The following FSTL4 variants were observed in gnomAD, a reference collection of about 807,000 sequenced individuals.
FSTL4 encodes follistatin like 4, also known as follistatin-related protein 4.
In FSTL4, 28 loss-of-function variants were observed where a neutral mutation model predicts 78.2. That is an observed-to-expected ratio of 0.36 (90% CI 0.27 to 0.49). FSTL4 has a LOEUF of 0.49. FSTL4 is among the 20% of genes least tolerant of loss of function. The pLI is 0.98. For missense variants in FSTL4, 922 were observed against 1,084.9 expected, an observed-to-expected ratio of 0.85 and a Z score of 2.11; for synonymous variants, 422 against 440.5, an observed-to-expected ratio of 0.96 and a Z score of 0.53.
At chr5:133,765,810 C>A in the FSTL4 span, among the ~76,000 whole-genome samples, 4 of 152,120 alleles carry the variant, frequency 2.6e-5, no homozygotes, top group Non-Finnish European at 5.9e-5. Flanking sequence ...TAAGATTATG[C>A]CATTACCCTG....
At chr5:133,399,535 C>G (rs546590228) in intron 4 of FSTL4, among the ~76,000 whole-genome samples, 1 of 152,312 alleles carries the variant, frequency 6.6e-6, no homozygotes, top group Non-Finnish European at 1.5e-5. Flanking sequence ...GTAACAGAGG[C>G]CAACACACCT....
chr5:133,498,475 T>C (rs1485967361), intron 3 of FSTL4, among the ~76,000 whole-genome samples: 2 of 152,152 alleles, frequency 1.3e-5, no homozygotes, highest in Admixed American at 1.3e-4. Flanking sequence ...TCCCAGCACT[T>C]TGGGAGGCTG....
chr5:133,599,140 A>G (rs1188092532), intron 2 of FSTL4, among the ~76,000 whole-genome samples: 1 of 152,154 alleles, frequency 6.6e-6, no homozygotes, highest in East Asian at 1.9e-4. Flanking sequence ...AAGACAATGA[A>G]TACATAAGAA....
chr5:133,822,863 T>C, the FSTL4 span, among the ~76,000 whole-genome samples: 1 of 152,004 alleles, frequency 6.6e-6, no homozygotes, highest in Non-Finnish European at 1.5e-5. Context: ...TCTGAAGATA[T>C]GTGGGAAGGA....
chr5:133,483,214 G>A (rs1758065244), intron 3 of FSTL4, among the ~76,000 whole-genome samples: 1 of 152,160 alleles, frequency 6.6e-6, no homozygotes, highest in African/African-American at 2.4e-5. Flanking sequence ...CCATGACTGT[G>A]AGCCCTCCCC....
intron 3 of FSTL4, among the ~76,000 whole-genome samples, chr5:133,410,712 A>T (rs1433544371): frequency 6.6e-6 from 1 of 152,124 alleles, no homozygotes; most frequent in African/African-American, 2.4e-5. Flanking sequence ...TTTCTCCTTC[A>T]TTCTACTTTT....
intron 5 of FSTL4, among the ~76,000 whole-genome samples, chr5:133,313,303 C>G (rs1393680552): frequency 1.3e-5 from 2 of 152,212 alleles, no homozygotes; most frequent in Non-Finnish European, 2.9e-5. Context: ...TCCCAGACCC[C>G]TCCGTTCTAT....
intron 3 of FSTL4, among the ~76,000 whole-genome samples, chr5:133,403,909 T>C (rs1756295774): frequency 1.3e-5 from 2 of 152,160 alleles, no homozygotes; most frequent in South Asian, 4.1e-4. Context: ...AGGCCCAGCG[T>C]CACACAGGGC....
At chr5:133,699,880 CA>C in the FSTL4 span, among the ~76,000 whole-genome samples, 984 of 62,436 alleles carry the variant, frequency 0.016, 2 homozygotes, top group Middle Eastern at 0.073. Context: ...GACTCCATCT[CA>C]AAAAAAAAAA....
intron 3 of FSTL4, among the ~76,000 whole-genome samples, chr5:133,546,505 CAAAA>C (rs71581365): frequency 4.2e-4 from 32 of 75,446 alleles, no homozygotes; most frequent in African/African-American, 1.2e-3. Context: ...GACTTTGTCT[CAAAA>C]AAAAAAAAAA....
Position 133,477,655 on chromosome 5 carries a change from A to G in FSTL4, c.161-76669T>C, listed in dbSNP as rs28631380. On this transcript the variant is annotated intron_variant, in intron 3 of 15. Transcript: ENST00000265342. The stretch of plus-strand genomic sequence containing the variant: ...TCTCTTCTCAGGAAGACACGGGGGG[A>G]AAATGACCCTTTAATGTTTTGTCTG... 6.3e-3 allele frequency among the ~76,000 whole-genome samples: 954 copies of G among 152,214 alleles called. 15 individuals are homozygous for G. Among genetic ancestry groups the G allele is most frequent in the African/African-American group, 0.022 (900 of 41,514 alleles).
the FSTL4 span, among the ~76,000 whole-genome samples, chr5:133,744,498 G>C: frequency 7.9e-5 from 12 of 152,182 alleles, no homozygotes; most frequent in Middle Eastern, 3.2e-3. Flanking sequence ...TCCCTTTGTA[G>C]GTCCTGCCCT....
the FSTL4 span, among the ~76,000 whole-genome samples, chr5:133,622,884 A>G: frequency 6.6e-6 from 1 of 152,146 alleles, no homozygotes; most frequent in Non-Finnish European, 1.5e-5. Context: ...GGTCTTCTGC[A>G]GAGCAAAAGT....
intron 2 of FSTL4, among the ~76,000 whole-genome samples, chr5:133,580,289 C>T (rs1760372554): frequency 6.6e-6 from 1 of 152,132 alleles, no homozygotes; most frequent in Admixed American, 6.5e-5. Flanking sequence ...CCTCCTTGAC[C>T]CTCCCCAAGA....
chr5:133,513,340 T>C (rs1189142868), intron 3 of FSTL4, among the ~76,000 whole-genome samples: 3 of 152,246 alleles, frequency 2.0e-5, no homozygotes, highest in African/African-American at 7.2e-5. Context: ...AGGAGAAACG[T>C]TGAATTGTAT....
At chr5:133,582,858 C>A (rs256263) in intron 2 of FSTL4, among the ~76,000 whole-genome samples, 31,828 of 152,078 alleles carry the variant, frequency 0.21, 3,494 homozygotes, top group East Asian at 0.32. Context: ...CCCTGTCCTG[C>A]CCTTTGAGAT....
At chr5:133,262,876 TTC>T (rs1752565713) in intron 6 of FSTL4, among the ~76,000 whole-genome samples, 1 of 151,458 alleles carries the variant, frequency 6.6e-6, no homozygotes, top group African/African-American at 2.4e-5. Flanking sequence ...GGCAAACAGG[TTC>T]TGTCAGGAAG....
the FSTL4 span, among the ~76,000 whole-genome samples, chr5:133,624,811 T>C: frequency 1.3e-5 from 2 of 151,776 alleles, no homozygotes; most frequent in Admixed American, 6.6e-5. Context: ...AATTTTATAA[T>C]CATCTTGTCT....
chr5:133,823,143 G>A, the FSTL4 span, among the ~76,000 whole-genome samples: 1 of 152,176 alleles, frequency 6.6e-6, no homozygotes, highest in East Asian at 1.9e-4. Flanking sequence ...TTCTGGATGG[G>A]CAAGAACAAA....
Sources: gnomAD v4.1 joint callset for allele counts (sites outside exome capture counted in the v4.1 genomes callset) on GRCh38, gnomAD v4.1.1 for gene constraint, MANE v1.5 for transcripts, NCBI Gene and HGNC (gene_info 2026-07-23, HGNC 2026-07-21) for gene names.